Variants in SLC35D4 observed in about 807,000 individuals in gnomAD.
SLC35D4 encodes solute carrier family 35 member D4.
the SLC35D4 span, chr18:23,373,732 G>A: frequency 6.2e-7 from 1 of 1,613,850 alleles, no homozygotes; most frequent in Non-Finnish European, 8.5e-7. Context: ...TTGAAGGGAA[G>A]GCATCCTGCT....
the SLC35D4 span, chr18:23,399,579 G>A: frequency 1.2e-6 from 2 of 1,613,746 alleles, no homozygotes; most frequent in Non-Finnish European, 8.5e-7. Context: ...TCTGGACAAT[G>A]CTCTGGACCC....
At chr18:23,380,959 A>G in the SLC35D4 span, among the ~76,000 whole-genome samples, 4 of 152,198 alleles carry the variant, frequency 2.6e-5, no homozygotes, top group South Asian at 2.1e-4. Flanking sequence ...TAAAATCTAC[A>G]CATAGTAGAC....
At chr18:23,364,718 C>G in the SLC35D4 span, among the ~76,000 whole-genome samples, 1 of 151,874 alleles carries the variant, frequency 6.6e-6, no homozygotes, top group Non-Finnish European at 1.5e-5. Context: ...TCCTGGCTAA[C>G]ATGGTGAAAC....
chr18:23,419,845 A>C, the SLC35D4 span, among the ~76,000 whole-genome samples: 3 of 152,218 alleles, frequency 2.0e-5, no homozygotes, highest in Non-Finnish European at 4.4e-5. Flanking sequence ...CACCCTAAAG[A>C]ATTCAGAAGT....
chr18:23,385,043 G>A, the SLC35D4 span: 77 of 1,613,254 alleles, frequency 4.8e-5, no homozygotes, highest in Admixed American at 6.7e-5. Flanking sequence ...GCTACATTAT[G>A]CAAAGTGAGA....
chr18:23,247,705 G>T, the SLC35D4 span, among the ~76,000 whole-genome samples: 2 of 152,244 alleles, frequency 1.3e-5, no homozygotes. Context: ...TGGCTCTTGA[G>T]CCTGTGTTCT....
At chr18:23,359,960 C>G in the SLC35D4 span, among the ~76,000 whole-genome samples, 1 of 152,136 alleles carries the variant, frequency 6.6e-6, no homozygotes, top group South Asian at 2.1e-4. Context: ...GTGGTGGGGC[C>G]CATGCTGAGG....
At chr18:23,263,713 T>A in the SLC35D4 span, among the ~76,000 whole-genome samples, 1 of 152,344 alleles carries the variant, frequency 6.6e-6, no homozygotes, top group Middle Eastern at 3.4e-3. Flanking sequence ...AAATGCAAAT[T>A]TGTTTTGCTC....
At chr18:23,326,308 A>G in the SLC35D4 span, among the ~76,000 whole-genome samples, 2 of 152,252 alleles carry the variant, frequency 1.3e-5, no homozygotes, top group African/African-American at 4.8e-5. Context: ...CAGGAGACCC[A>G]TCTCACGTGC....
the SLC35D4 span, among the ~76,000 whole-genome samples, chr18:23,272,049 G>C: frequency 6.6e-6 from 1 of 152,182 alleles, no homozygotes; most frequent in Non-Finnish European, 1.5e-5. Flanking sequence ...AGCTGCTCTA[G>C]CAAATTAATT....
chr18:23,309,825 G>C, the SLC35D4 span: 1 of 1,373,674 alleles, frequency 7.3e-7, no homozygotes, highest in Non-Finnish European at 1.0e-6. Flanking sequence ...CACAAGCTTA[G>C]CTCACTTGAG....
At chr18:23,328,627 G>A in the SLC35D4 span, among the ~76,000 whole-genome samples, 1 of 152,126 alleles carries the variant, frequency 6.6e-6, no homozygotes, top group Non-Finnish European at 1.5e-5. Flanking sequence ...TGGCCATACT[G>A]CCCAAGGTAA....
the SLC35D4 span, among the ~76,000 whole-genome samples, chr18:23,403,916 G>A: frequency 2.0e-5 from 3 of 152,108 alleles, no homozygotes; most frequent in African/African-American, 7.2e-5. Context: ...TCAGGTGATC[G>A]AGAACATCCT....
the SLC35D4 span, among the ~76,000 whole-genome samples, chr18:23,275,093 T>C: frequency 6.6e-6 from 1 of 151,312 alleles, no homozygotes; most frequent in East Asian, 1.9e-4. Flanking sequence ...CTTGTGTGCG[T>C]GCTTGTGTGT....
chr18:23,400,830 A>T, the SLC35D4 span, among the ~76,000 whole-genome samples: 1 of 152,204 alleles, frequency 6.6e-6, no homozygotes, highest in African/African-American at 2.4e-5. Context: ...ACTCCATCCA[A>T]GATCAGGTCT....
the SLC35D4 span, among the ~76,000 whole-genome samples, chr18:23,355,307 T>C: frequency 9.0e-4 from 137 of 152,264 alleles, 2 homozygotes; most frequent in East Asian, 0.024. Flanking sequence ...CCAACATCAA[T>C]GGGCTGTGAA....
At chr18:23,262,297 T>TA in the SLC35D4 span, among the ~76,000 whole-genome samples, 4 of 152,302 alleles carry the variant, frequency 2.6e-5, no homozygotes, top group East Asian at 7.7e-4. Flanking sequence ...AGAGCTAACT[T>TA]ACAGTGCATC....
At chr18:23,283,447 G>C in the SLC35D4 span, among the ~76,000 whole-genome samples, 1 of 134,086 alleles carries the variant, frequency 7.5e-6, no homozygotes, top group East Asian at 2.1e-4. Context: ...GCTCCAGCCT[G>C]GACAACACAG....
chr18:23,268,764 T>C, the SLC35D4 span, among the ~76,000 whole-genome samples: 6 of 152,056 alleles, frequency 3.9e-5, no homozygotes, highest in Admixed American at 3.9e-4. Flanking sequence ...GGAGGGTATA[T>C]TTCCTTTGCA....
Sources: allele counts gnomAD v4.1 joint callset (sites outside exome capture counted in the v4.1 genomes callset), GRCh38; gene constraint gnomAD v4.1.1; transcripts MANE v1.5; gene names NCBI Gene and HGNC (gene_info 2026-07-23, HGNC 2026-07-21).